KLHL1: variants seen among roughly 807,000 people sequenced by gnomAD.
KLHL1 encodes kelch-like protein 1.
Under a neutral mutation model 77.7 loss-of-function variants are expected in KLHL1, and 47 were observed. The ratio of observed to expected loss-of-function variants is 0.60; its 90% CI spans 0.48 to 0.77. The LOEUF (loss-of-function observed/expected upper bound fraction) is 0.77. Among genes scored for constraint, KLHL1 ranks in the 30% least tolerant of loss-of-function variants. The pLI, the probability that KLHL1 is intolerant of heterozygous loss-of-function variation, is 0.00. For synonymous variants in KLHL1, 360 were observed against 325.2 expected (o/e 1.11, Z -1.15); for missense variants, 925 against 910.8 (o/e 1.02, Z -0.20).
rs182238302 is a variant in KLHL1, at chr13:70,052,455, A to T, written c.497+54748T>A. On this transcript the variant is annotated intron_variant, in intron 1 of 10. Transcript: ENST00000377844. ...ATAATAGCTGAACTACAAGAAAATT[A>T]AAAAAAACCCTTATATATTTTATCT... 9.3e-3 allele frequency among the ~76,000 whole-genome samples: 1,404 copies of T among 150,626 alleles called. 25 individuals are homozygous for T. Among genetic ancestry groups the T allele is most frequent in the African/African-American group, 0.029 (1,186 of 40,332 alleles).
chr13:69,991,910 T>C (rs1885038526), intron 1 of KLHL1, among the ~76,000 whole-genome samples: 1 of 152,092 alleles, frequency 6.6e-6, no homozygotes, highest in African/African-American at 2.4e-5. Flanking sequence ...TACCCACTTC[T>C]GCACAAAATG....
chr13:69,988,945 C>T (rs1258222128), intron 1 of KLHL1, among the ~76,000 whole-genome samples: 1 of 152,022 alleles, frequency 6.6e-6, no homozygotes, highest in Non-Finnish European at 1.5e-5. Context: ...GGTTCTTTTG[C>T]TGTGCAGAGG....
intron 4 of KLHL1, among the ~76,000 whole-genome samples, chr13:69,930,125 CTGT>C (rs1882952628): frequency 1.3e-5 from 2 of 151,694 alleles, no homozygotes; most frequent in African/African-American, 4.8e-5. Flanking sequence ...TTTATAGATC[CTGT>C]TGTTTAGCTT....
At chr13:69,736,423 C>T (rs1177073795) in intron 8 of KLHL1, among the ~76,000 whole-genome samples, 4 of 152,070 alleles carry the variant, frequency 2.6e-5, no homozygotes, top group Non-Finnish European at 4.4e-5. Flanking sequence ...GAAAAGGGAA[C>T]ACCTTTACAC....
chr13:69,712,960 C>T (rs1875951413), intron 9 of KLHL1, among the ~76,000 whole-genome samples: 1 of 151,744 alleles, frequency 6.6e-6, no homozygotes, highest in Admixed American at 6.6e-5. Flanking sequence ...CAGGCATGTG[C>T]CACCATGCCT....
At chr13:69,890,149 G>T in intron 4 of KLHL1, among the ~76,000 whole-genome samples, 1 of 152,034 alleles carries the variant, frequency 6.6e-6, no homozygotes, top group East Asian at 1.9e-4. Flanking sequence ...ATAATAAGAA[G>T]AAAAATTTAG....
intron 4 of KLHL1, among the ~76,000 whole-genome samples, chr13:69,935,284 G>GTTCACCTACTGGTTAA (rs1376755738): frequency 6.6e-6 from 1 of 151,710 alleles, no homozygotes; most frequent in African/African-American, 2.4e-5. Flanking sequence ...TTGGTACATA[G>GTTCACCTACTGGTTAA]CAGTCAATAG....
intron 4 of KLHL1, among the ~76,000 whole-genome samples, chr13:69,896,670 ATTT>A (rs555215455): frequency 7.0e-6 from 1 of 143,500 alleles, no homozygotes; most frequent in Non-Finnish European, 1.5e-5. Flanking sequence ...AAGTATTAAA[ATTT>A]TTTTTTTTTT....
intron 1 of KLHL1, among the ~76,000 whole-genome samples, chr13:70,078,977 T>C (rs1046110583): frequency 9.2e-5 from 14 of 152,192 alleles, no homozygotes; most frequent in South Asian, 2.1e-4. Flanking sequence ...ACCTCTTCCA[T>C]TTGATTAGCT....
chr13:69,872,283 A>G (rs1390369243), intron 5 of KLHL1, among the ~76,000 whole-genome samples: 1 of 152,104 alleles, frequency 6.6e-6, no homozygotes, highest in Non-Finnish European at 1.5e-5. Flanking sequence ...GATTACAGTA[A>G]TTTAATAAAC....
chr13:70,089,478 G>A (rs1887622801), intron 1 of KLHL1, among the ~76,000 whole-genome samples: 2 of 151,964 alleles, frequency 1.3e-5, no homozygotes, highest in South Asian at 2.1e-4. Flanking sequence ...AATCTTATTG[G>A]CAATGACATC....
chr13:69,727,396 T>C (rs995105272), intron 8 of KLHL1, among the ~76,000 whole-genome samples: 4 of 152,060 alleles, frequency 2.6e-5, no homozygotes, highest in Non-Finnish European at 4.4e-5. Flanking sequence ...GGACAGTGAA[T>C]AGTGGACAGT....
intron 9 of KLHL1, among the ~76,000 whole-genome samples, chr13:69,713,588 C>T (rs967656968): frequency 8.6e-5 from 13 of 151,958 alleles, no homozygotes; most frequent in African/African-American, 1.2e-4. Context: ...CCAAATGCGC[C>T]TTTATGTGAT....
intron 5 of KLHL1, among the ~76,000 whole-genome samples, chr13:69,847,205 C>T (rs969721277): frequency 1.3e-5 from 2 of 151,204 alleles, no homozygotes; most frequent in African/African-American, 4.8e-5. Context: ...ACTTTTATTA[C>T]ATAAATGACA....
At chr13:69,791,064 C>T (rs1185932223) in intron 7 of KLHL1, among the ~76,000 whole-genome samples, 1 of 151,228 alleles carries the variant, frequency 6.6e-6, no homozygotes, top group Non-Finnish European at 1.5e-5. Flanking sequence ...CACACACACA[C>T]ATAAAAAAGA....
chr13:70,068,714 T>C (rs1421508136), intron 1 of KLHL1, among the ~76,000 whole-genome samples: 1 of 152,236 alleles, frequency 6.6e-6, no homozygotes, highest in Non-Finnish European at 1.5e-5. Context: ...AGTTTAGTAA[T>C]AAATTCATGT....
chr13:69,911,049 A>T (rs1451730408), intron 4 of KLHL1, among the ~76,000 whole-genome samples: 1 of 152,080 alleles, frequency 6.6e-6, no homozygotes, highest in East Asian at 1.9e-4. Context: ...GAATCAGACA[A>T]CCCAGAAGGT....
chr13:69,916,861 A>G (rs1161594235), intron 4 of KLHL1, among the ~76,000 whole-genome samples: 2 of 152,168 alleles, frequency 1.3e-5, no homozygotes, highest in African/African-American at 4.8e-5. Flanking sequence ...AGAATATTAA[A>G]AAACAAAGAA....
chr13:69,750,809 T>G (rs1874443632), intron 7 of KLHL1, among the ~76,000 whole-genome samples: 1 of 152,068 alleles, frequency 6.6e-6, no homozygotes, highest in Non-Finnish European at 1.5e-5. Context: ...TAGATATAAT[T>G]TATTTCATTC....
Sources: gnomAD v4.1 joint callset for allele counts (sites outside exome capture counted in the v4.1 genomes callset) on GRCh38, gnomAD v4.1.1 for gene constraint, MANE v1.5 for transcripts, NCBI Gene and HGNC (gene_info 2026-07-23, HGNC 2026-07-21) for gene names.